SPAG1: variants seen among roughly 807,000 people sequenced by gnomAD.
The protein encoded by SPAG1 is sperm-associated antigen 1.
A neutral mutation model predicts 100.5 loss-of-function variants in SPAG1; 69 were observed. That is an observed-to-expected ratio of 0.69 (90% CI 0.57 to 0.84). The LOEUF is 0.84. SPAG1 is among the 40% of genes least tolerant of loss of function. The pLI, the probability that SPAG1 is intolerant of heterozygous loss-of-function variation, is 0.00. For synonymous variants in SPAG1, 336 were observed against 411.6 expected (o/e 0.82, Z 2.22); for missense variants, 955 against 1,133.1 (o/e 0.84, Z 2.26).
chr8:100,177,320 T>C (rs2132238879), intron 3 of SPAG1, among the ~76,000 whole-genome samples: 1 of 152,362 alleles, frequency 6.6e-6, no homozygotes, highest in South Asian at 2.1e-4. Context: ...ACTCTTAAGC[T>C]TACCACAATA....
Position 100,237,870 on chromosome 8 carries a change from T to C in SPAG1, c.2116-1370T>C, listed in dbSNP as rs181886948. 5.3e-5 allele frequency among the ~76,000 whole-genome samples: 8 copies of C among 152,298 alleles called. No individual in the cohort carries two copies. In the East Asian group the frequency reaches 1.5e-3, roughly 29 times the overall value. On this transcript the variant is annotated intron_variant, in intron 16 of 18. Transcript: ENST00000388798. ...AAAATGATCCTATTGACTCCTAGGG[T>C]GCTGAGCTTCCATTTCCAAGGCTGT...
intron 10 of SPAG1, among the ~76,000 whole-genome samples, chr8:100,207,157 C>G (rs1817546572): frequency 1.3e-5 from 2 of 152,202 alleles, no homozygotes; most frequent in South Asian, 4.1e-4. Context: ...CCTGAACTGC[C>G]TATCATGAAC....
intron 10 of SPAG1, among the ~76,000 whole-genome samples, chr8:100,211,104 G>A (rs1216900573): frequency 6.6e-6 from 1 of 152,056 alleles, no homozygotes; most frequent in African/African-American, 2.4e-5. Flanking sequence ...GGGATTACAG[G>A]CATGAGCCAC....
At chr8:100,224,049 C>G (rs1309567602) in intron 13 of SPAG1, among the ~76,000 whole-genome samples, 1 of 152,080 alleles carries the variant, frequency 6.6e-6, no homozygotes, top group Non-Finnish European at 1.5e-5. Context: ...GGAAGCAGTT[C>G]TTTTTAACCA....
intron 8 of SPAG1, among the ~76,000 whole-genome samples, chr8:100,188,247 T>A (rs181412638): frequency 2.0e-5 from 3 of 151,824 alleles, no homozygotes; most frequent in Non-Finnish European, 2.9e-5. Flanking sequence ...CACTTCCCAG[T>A]CTCAAGTGAT....
rs760676415 is a variant in SPAG1 at position 100,213,235 on chromosome 8, G to C, written c.1242G>C (p.Ala414=). The change falls in exon 11 of 19, where the codon GCG becomes GCC. Residue 414 remains alanine, a synonymous_variant. Coordinates refer to ENST00000388798, the MANE Select transcript of SPAG1 (RefSeq NM_003114.5). The part of the protein sequence containing the change: ...PQRGQTPEAG[A]DKRSPRRASA... ...GGGGCCAGACCCCGGAGGCCGGCGC[G>C]GACAAGCGGAGCCCACGGCGGGCCT... 114 of 1,346,844 alleles carry C rather than the reference G, an allele frequency of 8.5e-5. No individual in the cohort carries two copies. Among genetic ancestry groups the C allele is most frequent in the Admixed American group, 3.6e-4 (10 of 27,628 alleles). 83.4% of individuals were successfully genotyped at this position (1,346,844 alleles called of 1,614,324 possible).
At chr8:100,170,228 T>C (rs1016515712) in intron 3 of SPAG1, among the ~76,000 whole-genome samples, 2 of 152,212 alleles carry the variant, frequency 1.3e-5, no homozygotes, top group Admixed American at 6.5e-5. Flanking sequence ...CAATGTCTTA[T>C]AGTTTTCAGT....
chr8:100,182,172 T>G (rs772993424), intron 4 of SPAG1, among the ~76,000 whole-genome samples: 1 of 152,236 alleles, frequency 6.6e-6, no homozygotes, highest in Admixed American at 6.5e-5. Context: ...AGTACTTATC[T>G]AGCAAAAAAT....
intron 10 of SPAG1, among the ~76,000 whole-genome samples, 161 bp from the exon 11 acceptor site, chr8:100,212,929 C>G (rs953549760): frequency 6.6e-6 from 1 of 152,058 alleles, no homozygotes; most frequent in Non-Finnish European, 1.5e-5. Flanking sequence ...CCGACTGGCT[C>G]TAGAGGTCCG....
intron 10 of SPAG1, among the ~76,000 whole-genome samples, chr8:100,198,228 T>C (rs972031203): frequency 6.6e-6 from 1 of 152,092 alleles, no homozygotes; most frequent in Non-Finnish European, 1.5e-5. Context: ...GTGCTAGAAC[T>C]GGCAGGATCA....
intron 16 of SPAG1, among the ~76,000 whole-genome samples, chr8:100,236,800 C>T (rs1285083878): frequency 6.6e-6 from 1 of 152,060 alleles, no homozygotes; most frequent in Admixed American, 6.6e-5. Flanking sequence ...AGACATGGTG[C>T]CTACTTAGGG....
At chr8:100,195,740 T>A (rs914741420) in intron 10 of SPAG1, among the ~76,000 whole-genome samples, 1 of 152,206 alleles carries the variant, frequency 6.6e-6, no homozygotes, top group Non-Finnish European at 1.5e-5. Context: ...TTACTTCCTA[T>A]TATTTTAAAA....
Position 100,191,375 on chromosome 8 carries a change from T to C in SPAG1, c.833-15T>C. On this transcript the variant is annotated splice_polypyrimidine_tract_variant and intron_variant, in intron 8 of 18. Coordinates refer to ENST00000388798, the MANE Select transcript of SPAG1 (RefSeq NM_003114.5). ...CATATTAAAAAACATAACTTTTATA[T>C]TGGTAAATTTTCAGCTCTTCTGCGT... is the stretch of plus-strand genomic sequence containing the variant. 2.5e-6 allele frequency: 4 copies of C among 1,568,770 alleles called. 1 individual carries two copies. The highest frequency in any genetic ancestry group is 3.5e-6 in the Non-Finnish European group (4 of 1,144,524).
At chr8:100,160,167 C>T (rs1049206528) in intron 1 of SPAG1, among the ~76,000 whole-genome samples, 3 of 152,122 alleles carry the variant, frequency 2.0e-5, no homozygotes, top group African/African-American at 7.2e-5. Flanking sequence ...TGATGTTCTC[C>T]AAGACCTCCT....
chr8:100,226,927 ATACTC>A (rs1324460310), intron 14 of SPAG1, among the ~76,000 whole-genome samples: 1 of 152,238 alleles, frequency 6.6e-6, no homozygotes. Flanking sequence ...TAAAGGTACT[ATACTC>A]TTACTGTACC....
At chr8:100,202,349 A>T (rs998776810) in intron 10 of SPAG1, among the ~76,000 whole-genome samples, 1 of 151,716 alleles carries the variant, frequency 6.6e-6, no homozygotes, top group South Asian at 2.1e-4. Flanking sequence ...GTTTAAAAAA[A>T]AAAACAAAAA....
At chr8:100,223,808 A>C (rs1265808571) in intron 13 of SPAG1, among the ~76,000 whole-genome samples, 1 of 151,596 alleles carries the variant, frequency 6.6e-6, no homozygotes, top group East Asian at 1.9e-4. Context: ...TTTCTTCTGC[A>C]ATTCTGGGTG....
In SPAG1 at chr8:100,165,368, T is replaced by C. The variant is rs77234795; in HGVS notation, c.141-446T>C. On this transcript the variant is annotated intron_variant, in intron 2 of 18. Transcript: ENST00000388798. ...TTGCAGCAGGAACTTGAAATTCTTC[T>C]GTTGCAAACTGTAAGACTGCTGTGA... The C allele has an allele frequency of 1.1e-3, 554 of 490,794 alleles. 6 individuals are homozygous for C. The highest frequency in any genetic ancestry group is 0.01 in the African/African-American group (512 of 50,872). 30.4% of individuals were successfully genotyped at this position (490,794 alleles called of 1,614,324 possible).
At position 100,222,706 on chromosome 8, in the gene SPAG1, T is replaced by C. The variant is rs140867047; in HGVS notation, c.1688+2275T>C. Among the ~76,000 whole-genome samples, 1,162 of 152,272 alleles carry C rather than the reference T, an allele frequency of 7.6e-3. 4 individuals are homozygous for C. The highest frequency in any genetic ancestry group is 0.012 in the Non-Finnish European group (794 of 68,014). On this transcript the variant is annotated intron_variant, in intron 13 of 18. Transcript: ENST00000388798. ...TAGGCTGAATGGTTGAAGGGAGAAA[T>C]GGGTCTGAGAGAACATGATTACTGA...
Sources: allele counts gnomAD v4.1 joint callset (sites outside exome capture counted in the v4.1 genomes callset), GRCh38; gene constraint gnomAD v4.1.1; transcripts MANE v1.5; gene names NCBI Gene and HGNC (gene_info 2026-07-23, HGNC 2026-07-21).